Variants in FBP2 observed in about 807,000 individuals in gnomAD.
The protein encoded by FBP2 is fructose-bisphosphatase 2.
Under a neutral mutation model 31.6 loss-of-function variants are expected in FBP2, and 27 were observed. That is an observed-to-expected ratio of 0.85 (90% CI 0.63 to 1.18). The LOEUF (loss-of-function observed/expected upper bound fraction) is 1.18, where lower values mean the gene tolerates loss of function less well. FBP2 is among the 50% of genes most tolerant of loss of function. FBP2 has a pLI of 0.00. For synonymous variants in FBP2, 168 were observed against 179.8 expected, an observed-to-expected ratio of 0.93 and a Z score of 0.53; for missense variants, 421 against 436.1, an observed-to-expected ratio of 0.97 and a Z score of 0.31.
At chr9:94,586,014 G>A (rs763251913) in intron 2 of FBP2, among the ~76,000 whole-genome samples, 5 of 152,288 alleles carry the variant, frequency 3.3e-5, no homozygotes, top group East Asian at 1.9e-4. Flanking sequence ...GATTGCAGGC[G>A]TGAGCCACCG....
intron 2 of FBP2, among the ~76,000 whole-genome samples, chr9:94,587,024 C>G (rs1827434622): frequency 6.6e-6 from 1 of 152,214 alleles, no homozygotes; most frequent in African/African-American, 2.4e-5. Context: ...AAAAATTTGG[C>G]TCTTGTTACT....
At chr9:94,587,992 G>A (rs1409123543) in intron 1 of FBP2, among the ~76,000 whole-genome samples, 1 of 152,140 alleles carries the variant, frequency 6.6e-6, no homozygotes, top group Non-Finnish European at 1.5e-5. Context: ...GGGACTACAG[G>A]CGCCCGCCAC....
chr9:94,583,240 G>A (rs893609248), intron 3 of FBP2, among the ~76,000 whole-genome samples: 16 of 152,110 alleles, frequency 1.1e-4, no homozygotes, highest in African/African-American at 3.6e-4. Context: ...TGAAGTATAA[G>A]TAAAACTAAG....
rs547244009 is a variant in FBP2 at position 94,590,518 on chromosome 9, G to A, written c.170+3039C>T. On this transcript the variant is annotated intron_variant, in intron 1 of 6. Coordinates refer to ENST00000375337, the MANE Select transcript of FBP2 (RefSeq NM_003837.4). Reference sequence around the variant, plus strand: ...TCACTGACTTCAAGAATGAAGCCGCGGACCCTCGCGGTGAGTGTTACAGCT... The same window carrying A: ...TCACTGACTTCAAGAATGAAGCCGCAGACCCTCGCGGTGAGTGTTACAGCT... Among the ~76,000 whole-genome samples, 11 of 152,188 alleles carry A rather than the reference G, an allele frequency of 7.2e-5. No individual in the cohort carries two copies. The South Asian group carries it at 2.1e-3, about 29-fold the overall frequency.
chr9:94,590,159 G>A (rs35338936), intron 1 of FBP2, among the ~76,000 whole-genome samples: 8,250 of 152,122 alleles, frequency 0.054, 299 homozygotes, highest in Non-Finnish European at 0.081. Context: ...GTGAGTTCCC[G>A]GCAATAGCTT....
At chr9:94,568,218 C>G (rs1282054119) in intron 4 of FBP2, 3 of 152,040 alleles carry the variant, frequency 2.0e-5, no homozygotes, top group African/African-American at 7.3e-5. Flanking sequence ...CCACTCTTAC[C>G]TGGAGAAAAG....
At chr9:94,567,445 A>C in intron 4 of FBP2, 38 bp from the exon 5 acceptor site, 2 of 1,572,696 alleles carry the variant, frequency 1.3e-6, no homozygotes, top group Non-Finnish European at 1.7e-6. Context: ...AGAAGAGAGA[A>C]GCCAGGAAAC....
At position 94,563,421 on chromosome 9, in the gene FBP2, A is replaced by G. The variant is rs1827138771; in HGVS notation, c.746T>C (p.Met249Thr). The change falls in exon 6 of 7, where the codon ATG becomes ACG. Residue 249 changes from methionine (M) to threonine (T), a missense_variant. Physicochemically the swap from Met to Thr is moderately conservative, Grantham distance 81 (BLOSUM62 -1). Coordinates refer to ENST00000375337, the MANE Select transcript of FBP2 (RefSeq NM_003837.4). The part of the protein sequence containing the change: ...APYGARYVGS[M>T]VADVHRTLVY... The stretch of plus-strand genomic sequence containing the variant: ...CAGGGTGCGGTGCACGTCAGCCACC[A>G]TGGAGCCCACATACCTGGCCCCATA... 5.6e-6 allele frequency: 9 copies of G among 1,614,082 alleles called. No homozygotes were observed. The highest frequency in any genetic ancestry group is 7.6e-6 in the Non-Finnish European group (9 of 1,179,952).
chr9:94,589,958 C>CAT (rs1827472694), intron 1 of FBP2, among the ~76,000 whole-genome samples: 1 of 152,126 alleles, frequency 6.6e-6, no homozygotes, highest in African/African-American at 2.4e-5. Flanking sequence ...AATCTGAATG[C>CAT]GCTTGCCACT....
At position 94,593,570 on chromosome 9, in the gene FBP2, C is replaced by T. The variant is rs575545531; in HGVS notation, c.157G>A (p.Gly53Ser). ...KAISSAVRKA[G>S]LAHLYGIAGS... ...CCCAGGACTCACAGGTGGGCCAGAC[C>T]GGCCTTGCGCACAGCCGAGGAGATG... Residue 53 changes from glycine to serine, a missense_variant, in exon 1 of 7, where the codon GGT becomes AGT. Physicochemically the swap from Gly to Ser is moderately conservative, Grantham distance 56. Coordinates refer to ENST00000375337, the MANE Select transcript of FBP2 (RefSeq NM_003837.4). 3.7e-6 allele frequency: 6 copies of T among 1,613,470 alleles called. No homozygotes were observed. Among genetic ancestry groups the T allele is most frequent in the African/African-American group, 1.3e-5 (1 of 75,018 alleles).
At chr9:94,575,187 T>C (rs1754433) in intron 3 of FBP2, among the ~76,000 whole-genome samples, 72,828 of 151,976 alleles carry the variant, frequency 0.48, 17,952 homozygotes, top group East Asian at 0.61. Flanking sequence ...TGTGTATTTA[T>C]AGAATATTTT....
chr9:94,564,615 A>C (rs1355531402), intron 5 of FBP2, among the ~76,000 whole-genome samples: 1 of 152,228 alleles, frequency 6.6e-6, no homozygotes, highest in Non-Finnish European at 1.5e-5. Context: ...AATGATGAGA[A>C]CACATGGACA....
chr9:94,565,453 A>AT (rs1381884143), intron 5 of FBP2, among the ~76,000 whole-genome samples: 2 of 151,224 alleles, frequency 1.3e-5, no homozygotes, highest in East Asian at 1.9e-4. Context: ...ATTTTCTTAT[A>AT]TTTTTTGTTG....
intron 3 of FBP2, among the ~76,000 whole-genome samples, chr9:94,573,526 T>G (rs957058479): frequency 2.7e-5 from 4 of 148,150 alleles, no homozygotes; most frequent in African/African-American, 1.0e-4. Context: ...GTTTCTTTTT[T>G]AAATAATGAA....
chr9:94,587,306 C>G lies in FBP2; in HGVS notation c.333+1G>C. 6.2e-7 allele frequency: 1 copy of G among 1,608,500 alleles called. No homozygotes were observed. The highest frequency in any genetic ancestry group is 8.5e-7 in the Non-Finnish European group (1 of 1,178,336). On this transcript the variant is annotated splice_donor_variant, in intron 2 of 6. Coordinates refer to ENST00000375337, the MANE Select transcript of FBP2 (RefSeq NM_003837.4). LOFTEE classifies it high-confidence loss of function. ...GCGGGCACCGCAGCCCCATGACGCA[C>G]CCGCTTCTCCTTGGCGGTGATGATG...
intron 3 of FBP2, among the ~76,000 whole-genome samples, chr9:94,582,351 C>CGTGTGT (rs71366248): frequency 3.1e-3 from 455 of 147,844 alleles, no homozygotes; most frequent in African/African-American, 0.01. Context: ...TGTGTGTGTG[C>CGTGTGT]GTGTGTGTGT....
intron 3 of FBP2, among the ~76,000 whole-genome samples, chr9:94,574,807 A>G (rs963597760): frequency 6.6e-6 from 1 of 152,180 alleles, no homozygotes; most frequent in Non-Finnish European, 1.5e-5. Flanking sequence ...ATGCATGGAA[A>G]AAAAAGAATG....
chr9:94,566,947 A>G (rs996788994), intron 5 of FBP2, among the ~76,000 whole-genome samples: 11 of 118,704 alleles, frequency 9.3e-5, no homozygotes, highest in African/African-American at 3.3e-4. Context: ...GAGTGAGTCT[A>G]TAGGTTGGAG....
Position 94,575,051 on chromosome 9 carries a change from T to G in FBP2, c.427-3449A>C, listed in dbSNP as rs535800952. On this transcript the variant is annotated intron_variant, in intron 3 of 6. Coordinates refer to ENST00000375337, the MANE Select transcript of FBP2 (RefSeq NM_003837.4). Reference sequence around the variant, plus strand: ...ATGAAAATTGCAAGAGCTCCATGTATTTGGTGGTAGAAATTATGAAATGTG... The same window carrying G: ...ATGAAAATTGCAAGAGCTCCATGTAGTTGGTGGTAGAAATTATGAAATGTG... Among the ~76,000 whole-genome samples the G allele has an allele frequency of 3.0e-4, 45 of 152,306 alleles. No homozygotes were observed. The Middle Eastern group carries it at 0.014, about 46-fold the overall frequency.
Sources: allele counts gnomAD v4.1 joint callset (sites outside exome capture counted in the v4.1 genomes callset), GRCh38; gene constraint gnomAD v4.1.1; transcripts MANE v1.5; gene names NCBI Gene and HGNC (gene_info 2026-07-23, HGNC 2026-07-21).